The following HS6ST3 variants were observed in gnomAD, a reference collection of about 807,000 sequenced individuals.
HS6ST3 encodes heparan-sulfate 6-O-sulfotransferase 3.
Under a neutral mutation model 36.7 loss-of-function variants are expected in HS6ST3, and 12 were observed. The ratio of observed to expected loss-of-function variants is 0.33; its 90% confidence interval spans 0.21 to 0.53. The LOEUF is 0.53. Among genes scored for constraint, HS6ST3 ranks in the 20% least tolerant of loss-of-function variants. HS6ST3 has a pLI of 0.95. For synonymous variants in HS6ST3, 240 were observed against 257.5 expected, an observed-to-expected ratio of 0.93 and a Z score of 0.65; for missense variants, 584 against 640.9, an observed-to-expected ratio of 0.91 and a Z score of 0.96.
At position 96,834,506 on chromosome 13, in the gene HS6ST3, A is replaced by C. The variant is rs1347383523; in HGVS notation, c.*1308A>C. ...GCCGAGTTCTTATTTTCACCTTTTC[A>C]TAATCCCAACTACAATAACAAGAAT... On this transcript the variant is annotated 3_prime_UTR_variant, in exon 2 of 2. Transcript: ENST00000376705. 6.6e-6 allele frequency: 1 copy of C among 152,226 alleles called. No homozygotes were observed. Among genetic ancestry groups the C allele is most frequent in the East Asian group, 1.9e-4 (1 of 5,184 alleles). The allele number at this position is 152,226 out of a possible 1,614,324, so 9.4% of individuals were successfully genotyped here. A position where few individuals can be genotyped will look rare whatever the true frequency, so the allele number is the denominator to read the frequency against.
At chr13:96,199,038 T>C (rs2054328448) in intron 1 of HS6ST3, among the ~76,000 whole-genome samples, 1 of 151,964 alleles carries the variant, frequency 6.6e-6, no homozygotes, top group African/African-American at 2.4e-5. Flanking sequence ...CAAGAGAAAA[T>C]GAGAGAGAAG....
chr13:96,094,273 G>A (rs764099188), intron 1 of HS6ST3, among the ~76,000 whole-genome samples: 5 of 152,240 alleles, frequency 3.3e-5, no homozygotes, highest in African/African-American at 7.2e-5. Context: ...GTATATATGC[G>A]TAGTATAATA....
chr13:96,615,399 G>T (rs558819963), intron 1 of HS6ST3, among the ~76,000 whole-genome samples: 1 of 152,286 alleles, frequency 6.6e-6, no homozygotes, highest in Admixed American at 6.5e-5. Flanking sequence ...TTGCAGAAAA[G>T]GTGTCAGGGC....
At chr13:96,575,157 AT>A (rs1709063031) in intron 1 of HS6ST3, among the ~76,000 whole-genome samples, 1 of 151,946 alleles carries the variant, frequency 6.6e-6, no homozygotes, top group Non-Finnish European at 1.5e-5. Context: ...GGATATTTTC[AT>A]TTTCATCCCA....
chr13:96,724,802 C>A (rs113151063), intron 1 of HS6ST3, among the ~76,000 whole-genome samples: 1 of 151,992 alleles, frequency 6.6e-6, no homozygotes, highest in African/African-American at 2.4e-5. Flanking sequence ...CTCAATCTTG[C>A]GATATTATAA....
intron 1 of HS6ST3, among the ~76,000 whole-genome samples, chr13:96,138,391 ACAG>A (rs1439998339): frequency 1.3e-4 from 6 of 46,048 alleles, no homozygotes; most frequent in Non-Finnish European, 2.7e-4. Flanking sequence ...ATATATGTTT[ACAG>A]TTTATAAATA....
chr13:96,650,004 C>T (rs1476591503), intron 1 of HS6ST3, among the ~76,000 whole-genome samples: 1 of 151,922 alleles, frequency 6.6e-6, no homozygotes, highest in Admixed American at 6.6e-5. Flanking sequence ...CCAGGATGCT[C>T]TTCCCTAAAG....
chr13:96,576,056 G>C (rs897501979), intron 1 of HS6ST3, among the ~76,000 whole-genome samples: 3 of 152,188 alleles, frequency 2.0e-5, no homozygotes, highest in African/African-American at 7.2e-5. Context: ...AGTCAGAAGA[G>C]CTTTTGCATT....
intron 1 of HS6ST3, among the ~76,000 whole-genome samples, chr13:96,592,406 G>C (rs1219410174): frequency 6.6e-6 from 1 of 151,880 alleles, no homozygotes; most frequent in East Asian, 1.9e-4. Flanking sequence ...ATTTTTGATT[G>C]GTTCATTGTT....
chr13:96,151,152 A>G (rs1383223675), intron 1 of HS6ST3, among the ~76,000 whole-genome samples: 1 of 152,160 alleles, frequency 6.6e-6, no homozygotes, highest in Non-Finnish European at 1.5e-5. Flanking sequence ...GCCTGTAATG[A>G]TGGCACTTTG....
At chr13:96,093,585 A>AT (rs1182441262) in intron 1 of HS6ST3, among the ~76,000 whole-genome samples, 3 of 151,406 alleles carry the variant, frequency 2.0e-5, no homozygotes, top group South Asian at 2.1e-4. Flanking sequence ...AAAAAAAAAA[A>AT]TTTTTTTTTG....
rs559022473 is a variant in HS6ST3, at chr13:96,375,335, T to C, written c.707+283766T>C. ...CATGACCTATGGCAATCCTGCTTTC[T>C]TGTTTTGTTTTTACTGTCTACCTTC... is the stretch of plus-strand genomic sequence containing the variant. On this transcript the variant is annotated intron_variant, in intron 1 of 1. Transcript: ENST00000376705. 3.9e-5 allele frequency among the ~76,000 whole-genome samples: 6 copies of C among 152,332 alleles called. No individual in the cohort carries two copies. The East Asian group carries it at 1.2e-3, about 29-fold the overall frequency.
In HS6ST3 at chr13:96,491,660, G is replaced by T. The variant is rs528469147; in HGVS notation, c.708-340830G>T. On this transcript the variant is annotated intron_variant, in intron 1 of 1. Transcript: ENST00000376705. ...CTCATAGACATATGGGACCCACCAGGCCAGTTCTGTTGATAAGTTATACCT... is the reference window on the plus strand; with the variant it reads ...CTCATAGACATATGGGACCCACCAGTCCAGTTCTGTTGATAAGTTATACCT... 2.6e-5 allele frequency among the ~76,000 whole-genome samples: 4 copies of T among 152,080 alleles called. No homozygotes were observed. The South Asian group carries it at 8.3e-4, about 32-fold the overall frequency.
intron 1 of HS6ST3, among the ~76,000 whole-genome samples, chr13:96,227,444 G>A (rs1013713450): frequency 3.9e-5 from 6 of 152,152 alleles, no homozygotes; most frequent in African/African-American, 1.4e-4. Context: ...TTATTAACTT[G>A]GTTAAGTTTT....
chr13:96,477,452 G>A (rs2055869487), intron 1 of HS6ST3, among the ~76,000 whole-genome samples: 1 of 152,224 alleles, frequency 6.6e-6, no homozygotes, highest in Admixed American at 6.5e-5. Flanking sequence ...TTATGTATTT[G>A]TAGGCTTAGG....
At chr13:96,222,166 A>AGATG (rs1230586310) in intron 1 of HS6ST3, among the ~76,000 whole-genome samples, 1 of 152,186 alleles carries the variant, frequency 6.6e-6, no homozygotes, top group African/African-American at 2.4e-5. Flanking sequence ...GACAGTCTAG[A>AGATG]GATGCTGAAG....
chr13:96,460,110 C>T (rs1394020140), intron 1 of HS6ST3, among the ~76,000 whole-genome samples: 2 of 152,148 alleles, frequency 1.3e-5, no homozygotes, highest in Non-Finnish European at 2.9e-5. Flanking sequence ...CAAAGATATA[C>T]ACAACACAAT....
intron 1 of HS6ST3, among the ~76,000 whole-genome samples, chr13:96,225,821 G>A (rs978868715): frequency 5.9e-5 from 9 of 152,060 alleles, no homozygotes; most frequent in African/African-American, 2.2e-4. Flanking sequence ...AGAAAGAATC[G>A]AAACTAAATT....
chr13:96,770,463 A>C (rs1481373531), intron 1 of HS6ST3, among the ~76,000 whole-genome samples: 1 of 152,182 alleles, frequency 6.6e-6, no homozygotes, highest in Non-Finnish European at 1.5e-5. Flanking sequence ...GAACCAAGTG[A>C]TTCTTAATTG....
Sources: allele counts gnomAD v4.1 joint callset (sites outside exome capture counted in the v4.1 genomes callset), GRCh38; gene constraint gnomAD v4.1.1; transcripts MANE v1.5; gene names NCBI Gene and HGNC (gene_info 2026-07-23, HGNC 2026-07-21).